PDE1A: variants seen among roughly 807,000 people sequenced by gnomAD.
The protein encoded by PDE1A is dual specificity calcium/calmodulin-dependent 3',5'-cyclic nucleotide phosphodiesterase 1A.
PDE1A carries 35 observed loss-of-function variants against 61.7 expected under a neutral mutation model. The ratio of observed to expected loss-of-function variants is 0.57; its 90% CI spans 0.43 to 0.75. PDE1A has a LOEUF of 0.75. Ranked by LOEUF, PDE1A falls within the 30% of genes least tolerant of loss-of-function variation. The probability of loss-of-function intolerance (pLI) is 0.00; values close to 1 mark genes in which losing one functional copy is unlikely to be tolerated. For missense variants in PDE1A, 597 were observed against 630.6 expected (o/e 0.95, Z 0.57); for synonymous variants, 232 against 213.2 (o/e 1.09, Z -0.77).
chr2:182,442,405 A>C (rs1054292889), intron 2 of PDE1A, among the ~76,000 whole-genome samples: 1 of 151,982 alleles, frequency 6.6e-6, no homozygotes, highest in Admixed American at 6.6e-5. Flanking sequence ...TTCCTTCTAC[A>C]TTAGGAATGA....
intron 1 of PDE1A, among the ~76,000 whole-genome samples, chr2:182,353,384 C>A (rs1699001161): frequency 6.6e-6 from 1 of 152,142 alleles, no homozygotes; most frequent in African/African-American, 2.4e-5. Flanking sequence ...GAATATTATA[C>A]ATGTTCTAAC....
At chr2:182,697,412 G>T in the PDE1A span, among the ~76,000 whole-genome samples, 1 of 152,110 alleles carries the variant, frequency 6.6e-6, no homozygotes, top group Non-Finnish European at 1.5e-5. Flanking sequence ...TGATAATTTG[G>T]AGGAGTGAGG....
intron 13 of PDE1A, among the ~76,000 whole-genome samples, chr2:182,174,772 T>A (rs1692575174): frequency 6.6e-6 from 1 of 152,134 alleles, no homozygotes; most frequent in Non-Finnish European, 1.5e-5. Flanking sequence ...TACTTTAAGT[T>A]CTGGGATACA....
chr2:182,470,684 G>A (rs1686970806), intron 2 of PDE1A, among the ~76,000 whole-genome samples: 1 of 151,700 alleles, frequency 6.6e-6, no homozygotes, highest in Non-Finnish European at 1.5e-5. Flanking sequence ...CTTAAGAATG[G>A]GAAGAAGTCA....
the PDE1A span, among the ~76,000 whole-genome samples, chr2:182,671,361 T>TTTTTTTTTTTTTTTTTTTTTTC: frequency 8.8e-6 from 1 of 114,206 alleles, no homozygotes; most frequent in Non-Finnish European, 1.8e-5. Flanking sequence ...TTTTTTTTTT[T>TTTTTTTTTTTTTTTTTTTTTTC]GTATTTTTAG....
intron 1 of PDE1A, among the ~76,000 whole-genome samples, chr2:182,286,554 T>C (rs1694178134): frequency 6.6e-6 from 1 of 152,180 alleles, no homozygotes; most frequent in Non-Finnish European, 1.5e-5. Context: ...TCCTGATTAG[T>C]GAGTGATTTC....
At chr2:182,646,421 G>A in the PDE1A span, among the ~76,000 whole-genome samples, 5 of 148,204 alleles carry the variant, frequency 3.4e-5, no homozygotes, top group Non-Finnish European at 5.9e-5. Context: ...CATACGCGGT[G>A]GCTCACACCT....
intron 3 of PDE1A, among the ~76,000 whole-genome samples, chr2:182,236,523 A>G (rs1690030215): frequency 6.6e-6 from 1 of 152,224 alleles, no homozygotes; most frequent in Admixed American, 6.5e-5. Context: ...ACTTGACTTC[A>G]TGGCACAGAA....
chr2:182,204,973 T>A (rs558406180), intron 8 of PDE1A, among the ~76,000 whole-genome samples: 1 of 152,212 alleles, frequency 6.6e-6, no homozygotes, highest in Non-Finnish European at 1.5e-5. Flanking sequence ...CACAGGAGAT[T>A]TAGGCTTATT....
downstream of PDE1A, among the ~76,000 whole-genome samples, chr2:182,145,172 A>G (rs551049395): frequency 6.6e-6 from 1 of 152,242 alleles, no homozygotes; most frequent in African/African-American, 2.4e-5. Flanking sequence ...TAACTTTGAC[A>G]TAATTCCTTT....
chr2:182,367,191 A>G (rs1211922792), intron 1 of PDE1A, among the ~76,000 whole-genome samples: 2 of 152,022 alleles, frequency 1.3e-5, no homozygotes, highest in East Asian at 1.9e-4. Flanking sequence ...TATGGAAAAG[A>G]TTTTTTTAAA....
chr2:182,490,653 G>A (rs531927456), intron 2 of PDE1A, among the ~76,000 whole-genome samples: 19 of 152,272 alleles, frequency 1.2e-4, no homozygotes, highest in African/African-American at 3.1e-4. Context: ...GATTACAGGC[G>A]TGAGCCACCA....
the PDE1A span, among the ~76,000 whole-genome samples, chr2:182,667,878 G>A: frequency 3.3e-5 from 5 of 152,252 alleles, no homozygotes; most frequent in East Asian, 7.7e-4. Context: ...TCTGAAAATA[G>A]GGCTTTATTA....
chr2:182,712,003 C>T, the PDE1A span, among the ~76,000 whole-genome samples: 3 of 152,148 alleles, frequency 2.0e-5, no homozygotes, highest in Admixed American at 6.5e-5. Context: ...TATAATGAAG[C>T]CATCTAAGTT....
At chr2:182,495,640 T>A (rs930119858) in intron 2 of PDE1A, among the ~76,000 whole-genome samples, 1 of 152,184 alleles carries the variant, frequency 6.6e-6, no homozygotes, top group African/African-American at 2.4e-5. Context: ...TAAAGGCCCC[T>A]TAGCCTCCTG....
At chr2:182,496,080 A>G (rs987698351) in intron 2 of PDE1A, among the ~76,000 whole-genome samples, 2 of 152,202 alleles carry the variant, frequency 1.3e-5, no homozygotes, top group Non-Finnish European at 2.9e-5. Flanking sequence ...ATTAATAGGA[A>G]TTTGTTTTAT....
chr2:182,685,784 T>A, the PDE1A span, among the ~76,000 whole-genome samples: 5 of 152,334 alleles, frequency 3.3e-5, no homozygotes, highest in African/African-American at 1.2e-4. Flanking sequence ...CTTTTGCTTT[T>A]TGATCACGCA....
At chr2:182,262,181 C>G (rs1692266217) in intron 2 of PDE1A, among the ~76,000 whole-genome samples, 1 of 150,302 alleles carries the variant, frequency 6.7e-6, no homozygotes, top group Non-Finnish European at 1.5e-5. Flanking sequence ...CTTTCCCTTT[C>G]TTTCCTTTTT....
intron 2 of PDE1A, among the ~76,000 whole-genome samples, chr2:182,516,033 G>GTGTT (rs1690128125): frequency 6.6e-6 from 1 of 150,798 alleles, no homozygotes; most frequent in Admixed American, 6.6e-5. Flanking sequence ...TCATGTTGAT[G>GTGTT]TGTTCTTCTG....
Sources: allele counts gnomAD v4.1 joint callset (sites outside exome capture counted in the v4.1 genomes callset), GRCh38; gene constraint gnomAD v4.1.1; transcripts MANE v1.5; gene names NCBI Gene and HGNC (gene_info 2026-07-23, HGNC 2026-07-21).